The following SLC4A4 variants were observed in gnomAD, a reference collection of about 807,000 sequenced individuals.
SLC4A4 encodes electrogenic sodium bicarbonate cotransporter 1.
In SLC4A4, 27 loss-of-function variants were observed where a neutral mutation model predicts 111.5. The ratio of observed to expected loss-of-function variants is 0.24; its 90% CI spans 0.18 to 0.33. The LOEUF (loss-of-function observed/expected upper bound fraction) is 0.33. SLC4A4 is among the 10% of genes least tolerant of loss of function. The pLI, the probability that SLC4A4 is intolerant of heterozygous loss-of-function variation, is 1.00. For missense variants in SLC4A4, 909 were observed against 1,315.5 expected, an observed-to-expected ratio of 0.69 and a Z score of 4.78; for synonymous variants, 443 against 463.4, an observed-to-expected ratio of 0.96 and a Z score of 0.57.
At chr4:71,376,156 T>TATATACACACAC (rs1553900734) in intron 6 of SLC4A4, among the ~76,000 whole-genome samples, 1 of 135,520 alleles carries the variant, frequency 7.4e-6, no homozygotes, top group African/African-American at 2.8e-5. Context: ...CCTGTATATA[T>TATATACACACAC]ACACACACAC....
At chr4:71,501,178 G>A (rs1054261473) in intron 16 of SLC4A4, among the ~76,000 whole-genome samples, 1 of 151,748 alleles carries the variant, frequency 6.6e-6, no homozygotes, top group African/African-American at 2.4e-5. Flanking sequence ...CACCTCCCTG[G>A]TTAAATTTAT....
At chr4:71,406,811 T>G (rs556666120) in intron 7 of SLC4A4, among the ~76,000 whole-genome samples, 1 of 152,238 alleles carries the variant, frequency 6.6e-6, no homozygotes, top group South Asian at 2.1e-4. Context: ...TAGGGAGTGA[T>G]TGTAAGCTTT....
At chr4:71,481,082 T>A (rs950465748) in intron 14 of SLC4A4, among the ~76,000 whole-genome samples, 2 of 151,718 alleles carry the variant, frequency 1.3e-5, no homozygotes, top group Non-Finnish European at 3.0e-5. Context: ...ATGAGGTAGA[T>A]GGTTTCAAAT....
chr4:71,326,335 GA>G (rs1346948604), intron 3 of SLC4A4, among the ~76,000 whole-genome samples: 5 of 151,980 alleles, frequency 3.3e-5, no homozygotes, highest in Admixed American at 2.0e-4. Context: ...ATTAGACTTA[GA>G]AATAGTTGAC....
At chr4:71,068,969 A>G (rs1192665793) in intron 1 of SLC4A4, among the ~76,000 whole-genome samples, 2 of 152,204 alleles carry the variant, frequency 1.3e-5, no homozygotes, top group African/African-American at 4.8e-5. Flanking sequence ...TTGTCATGAC[A>G]TATATGACAG....
At chr4:71,512,666 G>T (rs942430074) in intron 16 of SLC4A4, among the ~76,000 whole-genome samples, 3 of 151,578 alleles carry the variant, frequency 2.0e-5, no homozygotes, top group Non-Finnish European at 4.4e-5. Flanking sequence ...ATTTTTGTTT[G>T]GTTGCCAATG....
At chr4:71,327,985 A>G (rs988968241) in intron 3 of SLC4A4, among the ~76,000 whole-genome samples, 12 of 151,886 alleles carry the variant, frequency 7.9e-5, no homozygotes, top group East Asian at 3.9e-4. Flanking sequence ...GCTCCCACCA[A>G]CTACCCTTTT....
intron 1 of SLC4A4, among the ~76,000 whole-genome samples, chr4:71,074,429 A>T (rs1203061188): frequency 6.6e-6 from 1 of 152,252 alleles, no homozygotes; most frequent in East Asian, 1.9e-4. Context: ...ATTGAGTTCC[A>T]CAAAACAAAC....
At chr4:71,226,904 TA>T (rs1171021987) in intron 1 of SLC4A4, among the ~76,000 whole-genome samples, 1 of 152,000 alleles carries the variant, frequency 6.6e-6, no homozygotes, top group African/African-American at 2.4e-5. Context: ...ACATAGTTAG[TA>T]GACTATGTGT....
intron 8 of SLC4A4, among the ~76,000 whole-genome samples, chr4:71,446,070 TA>T (rs1457351251): frequency 1.3e-5 from 2 of 152,206 alleles, no homozygotes; most frequent in Non-Finnish European, 2.9e-5. Flanking sequence ...AAATAAGTAC[TA>T]AGTGGTTTTA....
chr4:71,088,918 A>G (rs1742283924), intron 1 of SLC4A4, among the ~76,000 whole-genome samples: 2 of 151,850 alleles, frequency 1.3e-5, no homozygotes, highest in South Asian at 2.1e-4. Context: ...TCTTTGTGGC[A>G]TTCTTTGTAT....
At chr4:71,225,892 G>T (rs1468284324) in intron 1 of SLC4A4, among the ~76,000 whole-genome samples, 1 of 152,208 alleles carries the variant, frequency 6.6e-6, no homozygotes, top group Non-Finnish European at 1.5e-5. Flanking sequence ...AGTTATTCAT[G>T]CTATTGCCGT....
At chr4:71,390,242 T>C (rs1719133888) in intron 6 of SLC4A4, among the ~76,000 whole-genome samples, 1 of 152,214 alleles carries the variant, frequency 6.6e-6, no homozygotes, top group Admixed American at 6.5e-5. Context: ...ATTGTAAGCA[T>C]CCTAAGTGAT....
intron 2 of SLC4A4, among the ~76,000 whole-genome samples, chr4:71,147,776 C>T (rs767581450): frequency 8.5e-5 from 13 of 152,096 alleles, no homozygotes; most frequent in Non-Finnish European, 1.5e-4. Context: ...CACCCATCTG[C>T]ATTGTTGCCA....
chr4:71,235,613 G>C (rs1273240534), intron 1 of SLC4A4, among the ~76,000 whole-genome samples: 1 of 152,160 alleles, frequency 6.6e-6, no homozygotes, highest in Non-Finnish European at 1.5e-5. Flanking sequence ...GTATATCAAA[G>C]TTAATGCAAT....
At chr4:71,567,752 A>G in intron 25 of SLC4A4, 36 bp from the exon 26 acceptor site, 1 of 1,013,482 alleles carries the variant, frequency 9.9e-7, no homozygotes, top group South Asian at 1.5e-5. Context: ...AGGAAATCTG[A>G]TTTACTTACT....
chr4:71,426,078 T>A (rs975081738), intron 7 of SLC4A4, among the ~76,000 whole-genome samples: 2 of 152,220 alleles, frequency 1.3e-5, no homozygotes, highest in Middle Eastern at 3.4e-3. Context: ...GCCTTCTATG[T>A]GCCATATGAT....
chr4:71,088,065 C>T (rs1370183359), intron 1 of SLC4A4, among the ~76,000 whole-genome samples: 1 of 151,998 alleles, frequency 6.6e-6, no homozygotes, highest in Non-Finnish European at 1.5e-5. Flanking sequence ...TCTCTAAGGA[C>T]TTGCTTTATG....
intron 3 of SLC4A4, among the ~76,000 whole-genome samples, chr4:71,264,077 T>C (rs1390879762): frequency 6.6e-6 from 1 of 152,138 alleles, no homozygotes; most frequent in Non-Finnish European, 1.5e-5. Flanking sequence ...TTTTTTTACA[T>C]GGAGAACTTT....
Sources: allele counts gnomAD v4.1 joint callset (sites outside exome capture counted in the v4.1 genomes callset), GRCh38; gene constraint gnomAD v4.1.1; transcripts MANE v1.5; gene names NCBI Gene and HGNC (gene_info 2026-07-23, HGNC 2026-07-21).